SH3RF3: variants seen among roughly 807,000 people sequenced by gnomAD.
The protein encoded by SH3RF3 is E3 ubiquitin-protein ligase SH3RF3.
Under a neutral mutation model 66.3 loss-of-function variants are expected in SH3RF3, and 29 were observed. The observed-to-expected ratio is 0.44, with a 90% confidence interval of 0.33 to 0.60. SH3RF3 has a LOEUF of 0.60. SH3RF3 is among the 20% of genes least tolerant of loss of function. The pLI, the probability that SH3RF3 is intolerant of heterozygous loss-of-function variation, is 0.04. For missense variants in SH3RF3, 1,194 were observed against 1,190.9 expected (o/e 1.00, Z -0.04); for synonymous variants, 583 against 532.0 (o/e 1.10, Z -1.32).
intron 9 of SH3RF3, among the ~76,000 whole-genome samples, chr2:109,500,047 G>A (rs763475721): frequency 3.3e-5 from 5 of 152,242 alleles, no homozygotes; most frequent in African/African-American, 9.6e-5. Flanking sequence ...ACATGCTGAC[G>A]TGCTCACTGA....
rs148745427 is a variant in SH3RF3 at position 109,300,461 on chromosome 2, T to C, written c.574-47213T>C. 1.5e-4 allele frequency among the ~76,000 whole-genome samples: 23 copies of C among 152,316 alleles called. No individual in the cohort carries two copies. In the East Asian group the frequency reaches 4.4e-3, roughly 29 times the overall value. On this transcript the variant is annotated intron_variant, in intron 1 of 9. Coordinates refer to ENST00000309415, the MANE Select transcript of SH3RF3 (RefSeq NM_001099289.3). ...TCCCAAAGTGCTGGGATTATAGGTG[T>C]GAGCCACTGCGCCCATCCGCACCCT... is the stretch of plus-strand genomic sequence containing the variant.
intron 8 of SH3RF3, among the ~76,000 whole-genome samples, chr2:109,477,557 G>A (rs1420115923): frequency 6.6e-6 from 1 of 152,212 alleles, no homozygotes; most frequent in African/African-American, 2.4e-5. Flanking sequence ...TAAAGGGACT[G>A]GGGTCACAGC....
At chr2:109,141,333 C>A (rs568524996) in intron 1 of SH3RF3, among the ~76,000 whole-genome samples, 69 of 152,280 alleles carry the variant, frequency 4.5e-4, no homozygotes, top group African/African-American at 1.6e-3. Flanking sequence ...CTGGAGGCAG[C>A]CTCTCGTCTC....
chr2:109,251,036 CTG>C (rs1403377310), intron 1 of SH3RF3, among the ~76,000 whole-genome samples: 2 of 151,894 alleles, frequency 1.3e-5, no homozygotes, highest in Non-Finnish European at 2.9e-5. Flanking sequence ...GAGTCTCACT[CTG>C]TCGCCCAGGC....
At chr2:109,224,863 A>G (rs556651994) in intron 1 of SH3RF3, among the ~76,000 whole-genome samples, 1 of 151,984 alleles carries the variant, frequency 6.6e-6, no homozygotes, top group Non-Finnish European at 1.5e-5. Context: ...TCTCAAAAAA[A>G]TTTTTTTTCA....
At chr2:109,330,112 T>G (rs2105484862) in intron 1 of SH3RF3, among the ~76,000 whole-genome samples, 1 of 152,356 alleles carries the variant, frequency 6.6e-6, no homozygotes, top group East Asian at 1.9e-4. Flanking sequence ...AGCACGGGCA[T>G]GCATTTCCTT....
chr2:109,458,116 C>A (rs1396430363), intron 8 of SH3RF3, among the ~76,000 whole-genome samples: 1 of 152,216 alleles, frequency 6.6e-6, no homozygotes. Flanking sequence ...ATACCATCAT[C>A]TCCCTCTAGG....
At chr2:109,455,999 T>C (rs1396657497) in intron 8 of SH3RF3, among the ~76,000 whole-genome samples, 1 of 152,234 alleles carries the variant, frequency 6.6e-6, no homozygotes, top group Non-Finnish European at 1.5e-5. Flanking sequence ...AGGGGAGACC[T>C]GCCCTGCAGC....
At chr2:109,223,840 T>C (rs1679311088) in intron 1 of SH3RF3, among the ~76,000 whole-genome samples, 1 of 152,180 alleles carries the variant, frequency 6.6e-6, no homozygotes, top group African/African-American at 2.4e-5. Context: ...TTAAAATCTG[T>C]CCACTTGGTA....
At chr2:109,230,668 G>A (rs1054954812) in intron 1 of SH3RF3, among the ~76,000 whole-genome samples, 2 of 152,210 alleles carry the variant, frequency 1.3e-5, no homozygotes, top group Non-Finnish European at 2.9e-5. Context: ...TAAACCCATT[G>A]TAATGTCAGA....
chr2:109,290,087 C>G (rs1681128401), intron 1 of SH3RF3, among the ~76,000 whole-genome samples: 2 of 152,152 alleles, frequency 1.3e-5, no homozygotes, highest in South Asian at 4.2e-4. Flanking sequence ...TCTTGTGATG[C>G]CAATGCTGCT....
At chr2:109,483,068 A>G (rs1678876440) in intron 8 of SH3RF3, among the ~76,000 whole-genome samples, 1 of 152,192 alleles carries the variant, frequency 6.6e-6, no homozygotes, top group Admixed American at 6.5e-5. Flanking sequence ...CTCTCTAAAA[A>G]TGCGTTGCAT....
intron 1 of SH3RF3, among the ~76,000 whole-genome samples, chr2:109,345,696 A>G (rs1175704024): frequency 6.6e-6 from 1 of 152,226 alleles, no homozygotes; most frequent in Non-Finnish European, 1.5e-5. Context: ...ATGAAAATAA[A>G]TGTTATATTT....
At chr2:109,318,391 A>G (rs920875898) in intron 1 of SH3RF3, among the ~76,000 whole-genome samples, 8 of 152,130 alleles carry the variant, frequency 5.3e-5, no homozygotes, top group African/African-American at 1.9e-4. Context: ...GGTGAGGAAG[A>G]AATGCCGCCG....
chr2:109,255,147 C>T (rs946426570), intron 1 of SH3RF3, among the ~76,000 whole-genome samples: 2 of 152,086 alleles, frequency 1.3e-5, no homozygotes, highest in Non-Finnish European at 2.9e-5. Context: ...TGTGTGTGTA[C>T]ATGTGCACGT....
At chr2:109,403,101 A>G (rs1162828555) in intron 4 of SH3RF3, among the ~76,000 whole-genome samples, 1 of 152,110 alleles carries the variant, frequency 6.6e-6, no homozygotes, top group African/African-American at 2.4e-5. Context: ...TTGTCTTAAA[A>G]TAGAAAGGAA....
intron 1 of SH3RF3, among the ~76,000 whole-genome samples, chr2:109,272,651 G>T (rs1029539019): frequency 6.6e-6 from 1 of 152,212 alleles, no homozygotes; most frequent in African/African-American, 2.4e-5. Flanking sequence ...GCTGCCAACG[G>T]TCCTCCTCCA....
intron 1 of SH3RF3, among the ~76,000 whole-genome samples, chr2:109,168,919 C>T (rs1213704365): frequency 6.6e-6 from 1 of 152,168 alleles, no homozygotes; most frequent in Non-Finnish European, 1.5e-5. Context: ...GACTCCTGAG[C>T]CAAACCTGAT....
At position 109,215,476 on chromosome 2, in the gene SH3RF3, G is replaced by A. The variant is rs191720537; in HGVS notation, c.573+85363G>A. ...GCCACTTTACACCATCAGAACAGGG[G>A]TGGGAGGTAGCCGGGCCCTGATTTC... On this transcript the variant is annotated intron_variant, in intron 1 of 9. Coordinates refer to ENST00000309415, the MANE Select transcript of SH3RF3 (RefSeq NM_001099289.3). 5.3e-5 allele frequency among the ~76,000 whole-genome samples: 8 copies of A among 152,212 alleles called. No individual in the cohort carries two copies. In the East Asian group the frequency reaches 1.5e-3, roughly 29 times the overall value.
Sources: gnomAD v4.1 joint callset for allele counts (sites outside exome capture counted in the v4.1 genomes callset) on GRCh38, gnomAD v4.1.1 for gene constraint, MANE v1.5 for transcripts, NCBI Gene and HGNC (gene_info 2026-07-23, HGNC 2026-07-21) for gene names.